The following PLXNA2 variants were observed in gnomAD, a reference collection of about 807,000 sequenced individuals.
PLXNA2 encodes plexin A2, also known as plexin-A2.
A neutral mutation model predicts 193.5 loss-of-function variants in PLXNA2; 91 were observed. That is an observed-to-expected ratio of 0.47 (90% CI 0.40 to 0.56). The LOEUF (loss-of-function observed/expected upper bound fraction) is 0.56. Among genes scored for constraint, PLXNA2 ranks in the 20% least tolerant of loss-of-function variants. The pLI, the probability that PLXNA2 is intolerant of heterozygous loss-of-function variation, is 0.00. For missense variants in PLXNA2, 1,995 were observed against 2,503.2 expected, an observed-to-expected ratio of 0.80 and a Z score of 4.33; for synonymous variants, 997 against 1,027.3, an observed-to-expected ratio of 0.97 and a Z score of 0.56.
At chr1:208,120,612 G>A (rs1667778689) in intron 4 of PLXNA2, among the ~76,000 whole-genome samples, 1 of 152,180 alleles carries the variant, frequency 6.6e-6, no homozygotes, top group Admixed American at 6.5e-5. Context: ...AGATGAATGA[G>A]GACTTTTGTT....
chr1:208,150,975 C>A (rs1432895256), intron 3 of PLXNA2, among the ~76,000 whole-genome samples: 4 of 152,186 alleles, frequency 2.6e-5, no homozygotes, highest in African/African-American at 9.7e-5. Context: ...AGGCCTTAGT[C>A]CAACCCCACC....
At chr1:208,059,959 C>G (rs760255977) in intron 13 of PLXNA2, among the ~76,000 whole-genome samples, 1 of 152,114 alleles carries the variant, frequency 6.6e-6, no homozygotes, top group Non-Finnish European at 1.5e-5. Flanking sequence ...GCTCCCAGTA[C>G]CCCCTGCAGA....
intron 4 of PLXNA2, among the ~76,000 whole-genome samples, chr1:208,106,069 A>ATT (rs5780430): frequency 0.42 from 60,811 of 145,420 alleles, 12,867 homozygotes; most frequent in Non-Finnish European, 0.44. Context: ...CCTCCTGGTG[A>ATT]TTTTTTTTTT....
At chr1:208,202,924 C>T (rs1176136965) in intron 3 of PLXNA2, among the ~76,000 whole-genome samples, 3 of 152,182 alleles carry the variant, frequency 2.0e-5, no homozygotes, top group East Asian at 3.9e-4. Flanking sequence ...AGAAACTACA[C>T]AAAAAGTACA....
At chr1:208,073,141 T>C (rs1484593509) in intron 12 of PLXNA2, among the ~76,000 whole-genome samples, 1 of 152,230 alleles carries the variant, frequency 6.6e-6, no homozygotes, top group Non-Finnish European at 1.5e-5. Context: ...GCTCAGAGCC[T>C]GGCACATGGG....
chr1:208,213,660 C>T (rs1301336015), intron 2 of PLXNA2, among the ~76,000 whole-genome samples: 1 of 152,174 alleles, frequency 6.6e-6, no homozygotes, highest in Non-Finnish European at 1.5e-5. Context: ...ATGTTAAAAT[C>T]AAGCTCTGGG....
chr1:208,094,128 T>C (rs890123501), intron 8 of PLXNA2, among the ~76,000 whole-genome samples: 1 of 152,252 alleles, frequency 6.6e-6, no homozygotes, highest in Non-Finnish European at 1.5e-5. Context: ...CTATCTCATG[T>C]ACTCTCAGAT....
At chr1:208,131,694 C>T (rs1668160282) in intron 4 of PLXNA2, among the ~76,000 whole-genome samples, 1 of 152,168 alleles carries the variant, frequency 6.6e-6, no homozygotes, top group South Asian at 2.1e-4. Flanking sequence ...GAAGCTGAAT[C>T]GGGGCTTCAA....
intron 3 of PLXNA2, among the ~76,000 whole-genome samples, chr1:208,174,330 C>T (rs980100483): frequency 2.0e-5 from 3 of 151,488 alleles, no homozygotes; most frequent in Admixed American, 2.0e-4. Context: ...GGAAAGCCTG[C>T]CTGCTTGTTC....
Position 208,128,350 on chromosome 1 carries a change from T to C in PLXNA2, c.1506+13979A>G, listed in dbSNP as rs1038790019. 5.7e-4 allele frequency among the ~76,000 whole-genome samples: 86 copies of C among 152,118 alleles called. 2 individuals are homozygous for C. The highest frequency in any genetic ancestry group is 1.5e-5 in the Non-Finnish European group (1 of 68,020). ...ATGGTAGTGAAAGAGGGAGATTACC[T>C]TGGAGGCAGGGAGAAAACACAGGGC... On this transcript the variant is annotated intron_variant, in intron 4 of 31. Coordinates refer to ENST00000367033, the MANE Select transcript of PLXNA2 (RefSeq NM_025179.4).
intron 3 of PLXNA2, among the ~76,000 whole-genome samples, chr1:208,177,760 C>T (rs1669704220): frequency 6.6e-6 from 1 of 152,238 alleles, no homozygotes; most frequent in Non-Finnish European, 1.5e-5. Context: ...GCATCTGCCC[C>T]ACCTAAGAAC....
Position 208,028,007 on chromosome 1 carries a change from A to T in PLXNA2, c.5589+2T>A, listed in dbSNP as rs769247742. The T allele has an allele frequency of 6.4e-7, 1 of 1,573,616 alleles. No individual in the cohort carries two copies. Among genetic ancestry groups the T allele is most frequent in the South Asian group, 1.2e-5 (1 of 85,382 alleles). ...TCTGTCCCTGCTGGGGCCCTGTCTC[A>T]CCTCCTCACTATACTTGCTGACATA... On this transcript the variant is annotated splice_donor_variant, in intron 31 of 31. Transcript: ENST00000367033. LOFTEE classifies it high-confidence loss of function. The surrounding 1 kb of genome is among the most constrained non-coding windows in gnomAD (Gnocchi z 4.2).
At chr1:208,197,512 G>A (rs963697376) in intron 3 of PLXNA2, among the ~76,000 whole-genome samples, 9 of 152,304 alleles carry the variant, frequency 5.9e-5, no homozygotes, top group Middle Eastern at 3.4e-3. Flanking sequence ...TGAAATTAAC[G>A]GGTTGTCTGT....
At chr1:208,227,640 C>A (rs1462202033) in intron 1 of PLXNA2, among the ~76,000 whole-genome samples, 6 of 152,148 alleles carry the variant, frequency 3.9e-5, no homozygotes, top group African/African-American at 1.2e-4. Context: ...TTTTGGTAAC[C>A]AGGCAGTGCT....
chr1:208,074,882 C>A (rs1666097854), intron 12 of PLXNA2, among the ~76,000 whole-genome samples: 1 of 152,082 alleles, frequency 6.6e-6, no homozygotes, highest in Admixed American at 6.5e-5. Flanking sequence ...AGGAGGACAC[C>A]CATTCTGAAG....
intron 1 of PLXNA2, among the ~76,000 whole-genome samples, chr1:208,222,593 C>T (rs1264442811): frequency 2.0e-5 from 3 of 152,178 alleles, no homozygotes; most frequent in African/African-American, 7.2e-5. Flanking sequence ...CATCTGATAC[C>T]TTCCTGATCA....
At chr1:208,171,437 C>T (rs1669491752) in intron 3 of PLXNA2, among the ~76,000 whole-genome samples, 1 of 152,126 alleles carries the variant, frequency 6.6e-6, no homozygotes, top group South Asian at 2.1e-4. Flanking sequence ...TGAGTTAGTC[C>T]CCCATTGTAG....
intron 4 of PLXNA2, among the ~76,000 whole-genome samples, chr1:208,141,064 T>C (rs1312542783): frequency 6.6e-6 from 1 of 152,230 alleles, no homozygotes; most frequent in East Asian, 1.9e-4. Context: ...TGGACCTGTT[T>C]ATACTTCAAC....
intron 1 of PLXNA2, 61 bp downstream of exon 1, chr1:208,243,582 C>T (rs1672134622): frequency 6.6e-6 from 1 of 152,114 alleles, no homozygotes; most frequent in Admixed American, 6.5e-5. Flanking sequence ...GGTGTGCGCG[C>T]CTGTGGGGAG....
Sources: gnomAD v4.1 joint callset for allele counts (sites outside exome capture counted in the v4.1 genomes callset) on GRCh38, gnomAD v4.1.1 for gene constraint, Gnocchi (gnomAD v3.1) non-coding constraint, MANE v1.5 for transcripts, NCBI Gene and HGNC (gene_info 2026-07-23, HGNC 2026-07-21) for gene names.